CACNA2D3: variants seen among roughly 807,000 people sequenced by gnomAD.
CACNA2D3 encodes voltage-dependent calcium channel subunit alpha-2/delta-3.
In CACNA2D3, 60 loss-of-function variants were observed where a neutral mutation model predicts 160.6. The ratio of observed to expected loss-of-function variants is 0.37; its 90% confidence interval spans 0.30 to 0.46. The LOEUF (loss-of-function observed/expected upper bound fraction) is 0.46. Among genes scored for constraint, CACNA2D3 ranks in the 20% least tolerant of loss-of-function variants. The probability of loss-of-function intolerance (pLI) is 1.00; values close to 1 mark genes in which losing one functional copy is unlikely to be tolerated. For synonymous variants in CACNA2D3, 558 were observed against 492.9 expected, an observed-to-expected ratio of 1.13 and a Z score of -1.75; for missense variants, 1,205 against 1,365.0, an observed-to-expected ratio of 0.88 and a Z score of 1.85.
At chr3:54,417,829 C>T (rs1699780012) in intron 4 of CACNA2D3, among the ~76,000 whole-genome samples, 1 of 151,738 alleles carries the variant, frequency 6.6e-6, no homozygotes, top group South Asian at 2.1e-4. Flanking sequence ...TCCTGTCACC[C>T]AGGCTGGAGT....
chr3:54,404,276 A>G (rs1699530049), intron 4 of CACNA2D3, among the ~76,000 whole-genome samples: 1 of 152,210 alleles, frequency 6.6e-6, no homozygotes, highest in African/African-American at 2.4e-5. Context: ...ATTCAAGAAC[A>G]AATCAAGAAG....
At chr3:54,340,598 G>A (rs1704496168) in intron 3 of CACNA2D3, among the ~76,000 whole-genome samples, 1 of 152,232 alleles carries the variant, frequency 6.6e-6, no homozygotes, top group African/African-American at 2.4e-5. Context: ...GTTCCATGGT[G>A]TGGAAGTACC....
rs946368741 is a variant in CACNA2D3 at position 54,792,492 on chromosome 3, A to G, written c.1381-24361A>G. ...AACTGAAATGTCAAAGTATAGCACT[A>G]CCTTCAGGTGTGGCTAGCTCTAGGT... On this transcript the variant is annotated intron_variant, in intron 13 of 37. Coordinates refer to ENST00000474759, the MANE Select transcript of CACNA2D3 (RefSeq NM_018398.3). Among the ~76,000 whole-genome samples, 8 of 152,206 alleles carry G rather than the reference A, an allele frequency of 5.3e-5. No homozygotes were observed. The South Asian group carries it at 1.7e-3, about 32-fold the overall frequency.
chr3:54,797,568 A>T (rs1474334181), intron 13 of CACNA2D3, among the ~76,000 whole-genome samples: 1 of 152,142 alleles, frequency 6.6e-6, no homozygotes, highest in Non-Finnish European at 1.5e-5. Context: ...TGGTCTCCCC[A>T]CCACCCCCAT....
At chr3:54,342,374 G>T (rs1444636537) in intron 3 of CACNA2D3, among the ~76,000 whole-genome samples, 2 of 152,174 alleles carry the variant, frequency 1.3e-5, no homozygotes, top group East Asian at 3.9e-4. Context: ...AGTCCTATGA[G>T]GCAGTGGATC....
At chr3:54,565,799 C>A (rs1702400647) in intron 6 of CACNA2D3, among the ~76,000 whole-genome samples, 1 of 152,134 alleles carries the variant, frequency 6.6e-6, no homozygotes, top group South Asian at 2.1e-4. Context: ...GCAAAAAGGT[C>A]TTACTGAACA....
chr3:54,328,401 C>G (rs1307771524), intron 3 of CACNA2D3, among the ~76,000 whole-genome samples: 1 of 152,164 alleles, frequency 6.6e-6, no homozygotes, highest in Non-Finnish European at 1.5e-5. Context: ...CCTGCCTCAG[C>G]CTCCTGAGTA....
chr3:54,157,742 G>A (rs1195160591), intron 2 of CACNA2D3, among the ~76,000 whole-genome samples: 1 of 150,538 alleles, frequency 6.6e-6, no homozygotes, highest in Non-Finnish European at 1.5e-5. Flanking sequence ...AGCGAGCCGA[G>A]ATGGCGCCAT....
At chr3:54,839,707 C>T (rs547568481) in intron 16 of CACNA2D3, among the ~76,000 whole-genome samples, 1 of 152,114 alleles carries the variant, frequency 6.6e-6, no homozygotes, top group Non-Finnish European at 1.5e-5. Context: ...GCCTGATTCA[C>T]CACAGCTGTG....
chr3:54,530,748 G>C (rs116753077), intron 5 of CACNA2D3, among the ~76,000 whole-genome samples: 1 of 152,152 alleles, frequency 6.6e-6, no homozygotes, highest in African/African-American at 2.4e-5. Flanking sequence ...ACTGGCTGAG[G>C]GTTACACAGC....
At chr3:54,793,110 A>G (rs1056740306) in intron 13 of CACNA2D3, among the ~76,000 whole-genome samples, 2 of 152,236 alleles carry the variant, frequency 1.3e-5, no homozygotes, top group African/African-American at 2.4e-5. Flanking sequence ...TATAAAGAGG[A>G]AAAGGACTGG....
chr3:54,561,916 G>C (rs1702331410), intron 5 of CACNA2D3, among the ~76,000 whole-genome samples: 1 of 152,188 alleles, frequency 6.6e-6, no homozygotes, highest in Non-Finnish European at 1.5e-5. Flanking sequence ...GAGGAGCAAA[G>C]GCACATCTTA....
intron 35 of CACNA2D3, among the ~76,000 whole-genome samples, chr3:55,020,141 G>C (rs1024611064): frequency 1.4e-4 from 21 of 151,546 alleles, no homozygotes; most frequent in Middle Eastern, 6.8e-3. Context: ...TCCTTAGTTT[G>C]TTAACATGTT....
intron 9 of CACNA2D3, among the ~76,000 whole-genome samples, chr3:54,595,372 A>T (rs1702936468): frequency 6.7e-6 from 1 of 148,650 alleles, no homozygotes. Flanking sequence ...GTGGATATGG[A>T]TGGGTGTCCA....
chr3:54,872,798 G>C (rs1187796027), intron 18 of CACNA2D3, among the ~76,000 whole-genome samples: 1 of 152,132 alleles, frequency 6.6e-6, no homozygotes, highest in East Asian at 1.9e-4. Flanking sequence ...TTTGATAAAA[G>C]CTCCTTCCTC....
chr3:54,406,369 A>G (rs1180925713), intron 4 of CACNA2D3, among the ~76,000 whole-genome samples: 2 of 152,138 alleles, frequency 1.3e-5, no homozygotes, highest in African/African-American at 2.4e-5. Context: ...ATGTGTGTAT[A>G]TATATGTACA....
chr3:54,602,248 A>G (rs548450174), intron 9 of CACNA2D3, among the ~76,000 whole-genome samples: 2 of 152,282 alleles, frequency 1.3e-5, no homozygotes, highest in Non-Finnish European at 2.9e-5. Flanking sequence ...CTGTAATCCT[A>G]GCATTTTGGG....
chr3:54,571,656 T>C (rs1702500111), intron 8 of CACNA2D3, among the ~76,000 whole-genome samples: 1 of 129,838 alleles, frequency 7.7e-6, no homozygotes, highest in Admixed American at 8.2e-5. Flanking sequence ...TGTGTGTGTG[T>C]GTGGTGGACA....
At chr3:55,040,105 G>A (rs966744265) in intron 35 of CACNA2D3, among the ~76,000 whole-genome samples, 1 of 152,134 alleles carries the variant, frequency 6.6e-6, no homozygotes, top group Non-Finnish European at 1.5e-5. Context: ...TTAGTGAATG[G>A]CCTTCTTGCT....
Sources: gnomAD v4.1 joint callset for allele counts (sites outside exome capture counted in the v4.1 genomes callset) on GRCh38, gnomAD v4.1.1 for gene constraint, MANE v1.5 for transcripts, NCBI Gene and HGNC (gene_info 2026-07-23, HGNC 2026-07-21) for gene names.